Variants in LOC112694756 observed in about 807,000 individuals in gnomAD.
At chr16:30,058,813 GT>G in the LOC112694756 span, 2 of 389,856 alleles carry the variant, frequency 5.1e-6, no homozygotes, top group Non-Finnish European at 9.0e-6. Context: ...ATGTTGCAAG[GT>G]TCTCATTCAT....
At chr16:30,056,500 T>C in the LOC112694756 span, among the ~76,000 whole-genome samples, 17 of 152,208 alleles carry the variant, frequency 1.1e-4, no homozygotes, top group Admixed American at 1.1e-3. Context: ...CATGTATCTC[T>C]CATATACTAA....
the LOC112694756 span, chr16:30,069,595 A>G: frequency 6.2e-7 from 1 of 1,614,050 alleles, no homozygotes; most frequent in Non-Finnish European, 8.5e-7. Context: ...CCATGCTTGC[A>G]CTCAGAAGTT....
At chr16:30,059,056 A>G in the LOC112694756 span, 84 of 398,336 alleles carry the variant, frequency 2.1e-4, no homozygotes, top group Non-Finnish European at 3.5e-4. Flanking sequence ...AGAAGCAGGT[A>G]TAGGACTTAA....
At chr16:30,066,919 G>A in the LOC112694756 span, 39 of 1,550,748 alleles carry the variant, frequency 2.5e-5, no homozygotes, top group South Asian at 2.4e-4. Flanking sequence ...CAAGCCAGAA[G>A]GGTCCAGCTT....
chr16:30,069,636 C>CA, the LOC112694756 span: 1 of 1,613,768 alleles, frequency 6.2e-7, no homozygotes, highest in Non-Finnish European at 8.5e-7. Flanking sequence ...TGGCGACCGT[C>CA]ACAGCGCTGC....
the LOC112694756 span, among the ~76,000 whole-genome samples, chr16:30,055,802 C>T: frequency 1.3e-5 from 2 of 151,224 alleles, no homozygotes; most frequent in South Asian, 4.3e-4. Context: ...CTCTTCTTTT[C>T]TTTTTGTTGT....
At chr16:30,070,284 T>C in the LOC112694756 span, 1 of 1,465,966 alleles carries the variant, frequency 6.8e-7, no homozygotes, top group Non-Finnish European at 9.5e-7. Context: ...GGAGGCCGCC[T>C]CCTCGGGGCT....
At chr16:30,069,079 A>G in the LOC112694756 span, 4 of 1,565,616 alleles carry the variant, frequency 2.6e-6, no homozygotes, top group Non-Finnish European at 3.5e-6. Flanking sequence ...CCCAAAAGCA[A>G]GCATTAGCTT....
chr16:30,066,793 A>C, the LOC112694756 span: 2 of 1,405,336 alleles, frequency 1.4e-6, no homozygotes, highest in Non-Finnish European at 1.9e-6. Context: ...GACCTTTCCC[A>C]TATCTGGGCC....
At chr16:30,069,369 T>G in the LOC112694756 span, 1 of 1,614,176 alleles carries the variant, frequency 6.2e-7, no homozygotes, top group Non-Finnish European at 8.5e-7. Flanking sequence ...CTTGAAGCGC[T>G]GCCAGTATGT....
chr16:30,067,915 A>G, the LOC112694756 span: 1 of 554,550 alleles, frequency 1.8e-6, no homozygotes, highest in Non-Finnish European at 3.2e-6. Flanking sequence ...GCAGAGCCCC[A>G]GTCTGACACC....
At chr16:30,056,638 T>C in the LOC112694756 span, among the ~76,000 whole-genome samples, 1 of 152,178 alleles carries the variant, frequency 6.6e-6, no homozygotes, top group African/African-American at 2.4e-5. Context: ...TCTTGCTCTG[T>C]CACCCAGGCT....
the LOC112694756 span, among the ~76,000 whole-genome samples, chr16:30,059,430 C>T: frequency 6.6e-6 from 1 of 151,654 alleles, no homozygotes; most frequent in African/African-American, 2.4e-5. Flanking sequence ...ACCCGGGAGG[C>T]GGACCTTGCA....
chr16:30,067,968 A>G, the LOC112694756 span: 5 of 455,992 alleles, frequency 1.1e-5, no homozygotes, highest in East Asian at 2.2e-4. Flanking sequence ...ATCCCAGTGT[A>G]TCCTGTCTCA....
At chr16:30,066,464 T>A in the LOC112694756 span, among the ~76,000 whole-genome samples, 6 of 152,224 alleles carry the variant, frequency 3.9e-5, no homozygotes, top group African/African-American at 1.4e-4. Flanking sequence ...GGGAAGGCGC[T>A]TGCTCCTCCA....
chr16:30,064,571 T>A, the LOC112694756 span: 1 of 398,626 alleles, frequency 2.5e-6, no homozygotes, highest in Non-Finnish European at 4.4e-6. Flanking sequence ...CCTTCCCCCA[T>A]GCCGGGCCCC....
the LOC112694756 span, chr16:30,064,252 A>T: frequency 2.5e-6 from 1 of 394,732 alleles, no homozygotes; most frequent in Admixed American, 4.4e-5. Context: ...TTAGGAGGTG[A>T]GTGTAGTGCC....
chr16:30,067,172 T>A, the LOC112694756 span: 1 of 1,608,022 alleles, frequency 6.2e-7, no homozygotes, highest in Non-Finnish European at 8.5e-7. Flanking sequence ...GGGGCCCTGG[T>A]CATCGGGAGA....
At chr16:30,070,098 C>T in the LOC112694756 span, 3 of 1,613,714 alleles carry the variant, frequency 1.9e-6, no homozygotes, top group Non-Finnish European at 2.5e-6. Flanking sequence ...CTTCTCACTC[C>T]ACCCCTCTCC....
Sources: allele counts gnomAD v4.1 joint callset (sites outside exome capture counted in the v4.1 genomes callset), GRCh38; gene constraint gnomAD v4.1.1; transcripts MANE v1.5.